The following UNC93A variants were observed in gnomAD, a reference collection of about 807,000 sequenced individuals.
The protein encoded by UNC93A is unc-93 homolog A, also known as N-acetylglucosamine transporter UNC93A.
In UNC93A, 43 loss-of-function variants were observed where a neutral mutation model predicts 47.5. The observed-to-expected ratio is 0.91, with a 90% confidence interval of 0.71 to 1.17. The LOEUF (loss-of-function observed/expected upper bound fraction) is 1.17. UNC93A is among the 50% of genes most tolerant of loss of function. UNC93A has a pLI of 0.00. For synonymous variants in UNC93A, 280 were observed against 258.0 expected, an observed-to-expected ratio of 1.09 and a Z score of -0.82; for missense variants, 605 against 577.6, an observed-to-expected ratio of 1.05 and a Z score of -0.49.
chr6:167,272,056 T>G (rs1304096453), intron 1 of UNC93A, among the ~76,000 whole-genome samples: 1 of 152,184 alleles, frequency 6.6e-6, no homozygotes, highest in African/African-American at 2.4e-5. Flanking sequence ...ACACCTTCAC[T>G]AAATTATGTC....
intron 7 of UNC93A, among the ~76,000 whole-genome samples, 164 bp downstream of exon 7, chr6:167,308,074 A>AT (rs775905566): frequency 1.4e-4 from 21 of 152,108 alleles, no homozygotes; most frequent in Non-Finnish European, 2.5e-4. Context: ...AGTCTGATGT[A>AT]TTTTCTCTGA....
intron 3 of UNC93A, 123 bp downstream of exon 3, chr6:167,296,384 G>A: frequency 2.9e-6 from 3 of 1,032,910 alleles, no homozygotes; most frequent in South Asian, 1.5e-5. Context: ...GGTGAGTCAG[G>A]CCCCACAGGT....
intron 4 of UNC93A, among the ~76,000 whole-genome samples, chr6:167,299,999 A>G (rs1054734584): frequency 1.3e-5 from 2 of 152,022 alleles, no homozygotes; most frequent in Non-Finnish European, 2.9e-5. Context: ...AGGTACGGGG[A>G]GGCAGAGATG....
intron 1 of UNC93A, among the ~76,000 whole-genome samples, chr6:167,276,146 T>A (rs1180618018): frequency 6.6e-6 from 1 of 151,966 alleles, no homozygotes; most frequent in African/African-American, 2.4e-5. Context: ...ACTTAATATC[T>A]TGTCCCCAGT....
upstream of UNC93A, among the ~76,000 whole-genome samples, chr6:167,289,095 T>G (rs1783795886): frequency 6.6e-6 from 1 of 152,402 alleles, no homozygotes; most frequent in African/African-American, 2.4e-5. Flanking sequence ...ATGGCTCCAG[T>G]GCACACACAG....
At chr6:167,298,361 G>A (rs1778149743) in intron 4 of UNC93A, 2 of 226,976 alleles carry the variant, frequency 8.8e-6, no homozygotes, top group Admixed American at 5.5e-5. Context: ...ACTGATTAAA[G>A]TTTCAGTTCC....
In UNC93A at chr6:167,295,490, C is replaced by T. The variant is rs544644625; in HGVS notation, c.270-542C>T. ...CTCCTCGCCTCCCTCGTGAACCTCG[C>T]CTCCCTCGTGATCCTCGCCTGCCTC... On this transcript the variant is annotated intron_variant, in intron 2 of 7. Transcript: ENST00000230256. Among the ~76,000 whole-genome samples, 17 of 98,602 alleles carry T rather than the reference C, an allele frequency of 1.7e-4. 3 individuals are homozygous for T. The highest frequency in any genetic ancestry group is 1.0e-3 in the African/African-American group (16 of 15,556). The allele number at this position is 98,602 out of a possible 152,430, so 64.7% of individuals were successfully genotyped here.
intron 1 of UNC93A, among the ~76,000 whole-genome samples, chr6:167,284,575 T>C (rs115706824): frequency 8.4e-3 from 1,271 of 150,588 alleles, no homozygotes; most frequent in African/African-American, 0.03. Flanking sequence ...AGAGCTCACG[T>C]TGCCCACTTG....
chr6:167,273,231 A>G (rs977131617), intron 1 of UNC93A, among the ~76,000 whole-genome samples: 1 of 152,134 alleles, frequency 6.6e-6, no homozygotes, highest in Admixed American at 6.5e-5. Flanking sequence ...GTCAGGCCCC[A>G]TCTCACCATG....
At position 167,307,790 on chromosome 6, in the gene UNC93A, C is replaced by T. The variant is rs147524426; in HGVS notation, c.988C>T (p.His330Tyr). The change falls in exon 7 of 8, where the codon CAC (histidine) becomes TAC (tyrosine). Residue 330 changes from histidine (H) to tyrosine (Y), a missense_variant. Coordinates refer to ENST00000230256, the MANE Select transcript of UNC93A (RefSeq NM_018974.4). ...AVLYVLGAVT[H>Y]VSCMIALLLW... is the part of the protein sequence containing the mutation. ...CTCTGCACCCCCAGGCGCGGTGACC[C>T]ACGTGTCCTGCATGATTGCCCTACT... is the stretch of plus-strand genomic sequence containing the variant. The T allele has an allele frequency of 6.3e-7, 1 of 1,594,340 alleles. No individual in the cohort carries two copies. The highest frequency in any genetic ancestry group is 1.5e-5 in the African/African-American group (1 of 67,604).
chr6:167,278,897 G>A (rs1783586840), intron 1 of UNC93A, among the ~76,000 whole-genome samples: 1 of 152,192 alleles, frequency 6.6e-6, no homozygotes, highest in African/African-American at 2.4e-5. Flanking sequence ...GTAATGTCCA[G>A]GAAAAGTTGT....
intron 7 of UNC93A, 74 bp from the exon 8 acceptor site, chr6:167,315,113 A>T (rs1304371282): frequency 1.9e-6 from 3 of 1,561,050 alleles, no homozygotes; most frequent in Non-Finnish European, 2.6e-6. Flanking sequence ...GCAGTGGGAA[A>T]GCTGTGCTCT....
intron 7 of UNC93A, among the ~76,000 whole-genome samples, chr6:167,310,092 C>T (rs974530080): frequency 2.6e-5 from 4 of 152,178 alleles, no homozygotes. Flanking sequence ...CTCTTAGCTA[C>T]GTTACCAATA....
At chr6:167,284,455 G>A (rs531004309) in intron 1 of UNC93A, among the ~76,000 whole-genome samples, 7 of 152,128 alleles carry the variant, frequency 4.6e-5, no homozygotes, top group East Asian at 1.9e-4. Context: ...AACAACTTCC[G>A]AACATCCGGG....
chr6:167,272,218 C>G (rs979486355), intron 1 of UNC93A, among the ~76,000 whole-genome samples: 2 of 152,254 alleles, frequency 1.3e-5, no homozygotes, highest in Non-Finnish European at 2.9e-5. Flanking sequence ...CTCCCACCAT[C>G]ATGGCTGCCT....
chr6:167,285,697 C>T (rs1174680942), intron 1 of UNC93A, among the ~76,000 whole-genome samples: 3 of 151,506 alleles, frequency 2.0e-5, no homozygotes, highest in African/African-American at 7.3e-5. Flanking sequence ...CGGCCCTGGG[C>T]AGCAGCTCAA....
intron 7 of UNC93A, 86 bp downstream of exon 7, chr6:167,307,996 T>C: frequency 6.4e-7 from 1 of 1,553,926 alleles, no homozygotes; most frequent in Non-Finnish European, 8.7e-7. Context: ...TAGATGCCAA[T>C]GGGCCAGAGC....
chr6:167,282,946 A>G (rs1271132676), intron 1 of UNC93A, among the ~76,000 whole-genome samples: 1 of 152,226 alleles, frequency 6.6e-6, no homozygotes, highest in Non-Finnish European at 1.5e-5. Flanking sequence ...TCTGGAATCC[A>G]TAGAAAGGAG....
chr6:167,302,250 G>T (rs12662820), intron 4 of UNC93A, among the ~76,000 whole-genome samples: 39,170 of 151,980 alleles, frequency 0.26, 5,070 homozygotes, highest in Middle Eastern at 0.32. Context: ...GCACAGTGCT[G>T]CAGCAAGTCC....
Sources: gnomAD v4.1 joint callset for allele counts (sites outside exome capture counted in the v4.1 genomes callset) on GRCh38, gnomAD v4.1.1 for gene constraint, MANE v1.5 for transcripts, NCBI Gene and HGNC (gene_info 2026-07-23, HGNC 2026-07-21) for gene names.